The following KAZN variants were observed in gnomAD, a reference collection of about 807,000 sequenced individuals.
KAZN encodes kazrin.
A neutral mutation model predicts 87.4 loss-of-function variants in KAZN; 40 were observed. That is an observed-to-expected ratio of 0.46 (90% CI 0.36 to 0.60). The LOEUF is 0.60. Ranked by LOEUF, KAZN falls within the 20% of genes least tolerant of loss-of-function variation. The pLI, the probability that KAZN is intolerant of heterozygous loss-of-function variation, is 0.00. For synonymous variants in KAZN, 466 were observed against 458.3 expected (o/e 1.02, Z -0.22); for missense variants, 898 against 1,073.9 (o/e 0.84, Z 2.29).
chr1:14,820,263 C>A lies in KAZN; in HGVS notation c.227-140421C>A, dbSNP rs534453219. 6.6e-6 allele frequency among the ~76,000 whole-genome samples: 1 copy of A among 152,294 alleles called. No homozygotes were observed. Among genetic ancestry groups the A allele is most frequent in the African/African-American group, 2.4e-5 (1 of 41,546 alleles). On this transcript the variant is annotated intron_variant, in intron 1 of 14. Coordinates refer to ENST00000376030, the MANE Select transcript of KAZN (RefSeq NM_201628.3). The surrounding 1 kb of genome is among the most constrained non-coding windows in gnomAD (Gnocchi z 4.1). ...TTAGAGCAATGCTGGATCATCTATT[C>A]AGCCTACTCTCCCTAACTGTTTCCC...
In KAZN at chr1:14,075,961, G is replaced by A. The variant is rs188625703; in HGVS notation, c.92-104474G>A. 2.0e-5 allele frequency among the ~76,000 whole-genome samples: 3 copies of A among 152,294 alleles called. No homozygotes were observed. The East Asian group carries it at 5.8e-4, about 29-fold the overall frequency. Reference sequence around the variant, plus strand: ...TCTTGCAGATGTAAACAGTTAAGATGAGGTCATTAGGGTGGGATTTATACG... The same window carrying A: ...TCTTGCAGATGTAAACAGTTAAGATAAGGTCATTAGGGTGGGATTTATACG... On this transcript the variant is annotated intron_variant, in intron 1 of 16. Transcript: ENST00000636203.
chr1:15,103,720 C>G (rs1641182277), intron 12 of KAZN, among the ~76,000 whole-genome samples: 1 of 152,178 alleles, frequency 6.6e-6, no homozygotes, highest in South Asian at 2.1e-4. Flanking sequence ...TGTCATGATG[C>G]TTTGCTCACA....
At chr1:14,225,496 C>T (rs1647231192) in intron 2 of KAZN, among the ~76,000 whole-genome samples, 1 of 152,140 alleles carries the variant, frequency 6.6e-6, no homozygotes, top group Non-Finnish European at 1.5e-5. Context: ...TTTCAAACTA[C>T]CAATGACATT....
intron 1 of KAZN, among the ~76,000 whole-genome samples, chr1:14,869,367 C>A (rs2101051948): frequency 6.6e-6 from 1 of 152,316 alleles, no homozygotes; most frequent in East Asian, 1.9e-4. Flanking sequence ...GGAGCCTCAA[C>A]GCAGGGGCTG....
intron 2 of KAZN, among the ~76,000 whole-genome samples, chr1:14,985,677 C>T (rs558841543): frequency 5.9e-5 from 9 of 152,300 alleles, no homozygotes; most frequent in Admixed American, 4.6e-4. Context: ...GGGCAGCTGA[C>T]CTGGACTCTT....
chr1:14,698,799 T>C (rs763316691), intron 1 of KAZN, among the ~76,000 whole-genome samples: 7 of 152,202 alleles, frequency 4.6e-5, no homozygotes, highest in Non-Finnish European at 8.8e-5. Flanking sequence ...TGAATTAAAA[T>C]GCAAAGAATG....
In KAZN at chr1:15,103,502, A is replaced by ACAAACCCCATG. The variant is rs1309815605; in HGVS notation, c.1881+47_1881+57dup. Reference sequence around the variant, plus strand: ...AGGTCGGGGTGACTCTCGGGCATACACAAACCCCATGCAAATCTATATGCA... The same window carrying ACAAACCCCATG: ...AGGTCGGGGTGACTCTCGGGCATACACAAACCCCATGCAAACCCCATGCAAATCTATATGCA... On this transcript the variant is annotated intron_variant, in intron 12 of 14. Coordinates refer to ENST00000376030, the MANE Select transcript of KAZN (RefSeq NM_201628.3). 7 of 1,284,020 alleles carry ACAAACCCCATG rather than the reference A, an allele frequency of 5.5e-6. No homozygotes were observed. In the African/African-American group the frequency reaches 1.1e-4, roughly 21 times the overall value. 79.5% of individuals were successfully genotyped at this position (1,284,020 alleles called of 1,614,324 possible). A position where few individuals can be genotyped will look rare whatever the true frequency, so the allele number is the denominator to read the frequency against.
At chr1:14,718,631 C>T (rs2100267437) in intron 1 of KAZN, among the ~76,000 whole-genome samples, 1 of 152,294 alleles carries the variant, frequency 6.6e-6, no homozygotes, top group Admixed American at 6.5e-5. Context: ...TTTGTCTCTC[C>T]TGCCACTTGG....
At chr1:14,032,296 G>A (rs752420641) in intron 1 of KAZN, among the ~76,000 whole-genome samples, 41 of 152,194 alleles carry the variant, frequency 2.7e-4, no homozygotes, top group Non-Finnish European at 5.4e-4. Flanking sequence ...ACACTGTGAG[G>A]TCGGTAGCAT....
chr1:14,468,253 C>A (rs182371509), intron 2 of KAZN, among the ~76,000 whole-genome samples: 1 of 152,248 alleles, frequency 6.6e-6, no homozygotes, highest in East Asian at 1.9e-4. Flanking sequence ...CTTTAAAAAT[C>A]TTTTTAGCTC....
At chr1:14,520,713 T>C (rs1571853184) in intron 2 of KAZN, among the ~76,000 whole-genome samples, 1 of 152,224 alleles carries the variant, frequency 6.6e-6, no homozygotes, top group African/African-American at 2.4e-5. Context: ...GGGCAGAGAC[T>C]GAAACTGAAC....
intron 1 of KAZN, among the ~76,000 whole-genome samples, chr1:14,023,778 T>A (rs1640951473): frequency 6.6e-6 from 1 of 151,648 alleles, no homozygotes; most frequent in South Asian, 2.1e-4. Context: ...AGTGGGTGAG[T>A]GAGGATGAGT....
intron 1 of KAZN, among the ~76,000 whole-genome samples, chr1:14,123,677 C>A (rs1239162062): frequency 6.6e-6 from 1 of 152,208 alleles, no homozygotes; most frequent in African/African-American, 2.4e-5. Context: ...GCAAATGGGA[C>A]TGCAGCCTCC....
chr1:14,991,215 G>A (rs1016049729), intron 2 of KAZN, among the ~76,000 whole-genome samples: 1 of 152,020 alleles, frequency 6.6e-6, no homozygotes, highest in Non-Finnish European at 1.5e-5. Flanking sequence ...TTATCCGGGC[G>A]TGGTGGTGGG....
intron 2 of KAZN, among the ~76,000 whole-genome samples, chr1:14,355,753 C>A (rs1253543489): frequency 6.6e-6 from 1 of 152,192 alleles, no homozygotes; most frequent in Non-Finnish European, 1.5e-5. Context: ...CTGCAAATGA[C>A]ATGAACTCAT....
intron 1 of KAZN, among the ~76,000 whole-genome samples, chr1:13,973,545 G>GT (rs1642205645): frequency 6.6e-6 from 1 of 152,212 alleles, no homozygotes; most frequent in Non-Finnish European, 1.5e-5. Context: ...CTGGATTCAG[G>GT]TAACAACTCC....
intron 1 of KAZN, among the ~76,000 whole-genome samples, chr1:14,736,492 G>A (rs968752804): frequency 3.1e-5 from 3 of 95,270 alleles, no homozygotes; most frequent in Admixed American, 2.4e-4. Flanking sequence ...TTTTTTTTTA[G>A]TAGAGACAAG....
At chr1:14,109,412 A>T (rs1353544847) in intron 1 of KAZN, among the ~76,000 whole-genome samples, 3 of 152,070 alleles carry the variant, frequency 2.0e-5, no homozygotes, top group Non-Finnish European at 4.4e-5. Context: ...GAGGACTTTG[A>T]TGTATATCTG....
intron 1 of KAZN, among the ~76,000 whole-genome samples, chr1:14,851,545 C>T (rs75073934): frequency 0.031 from 4,739 of 152,290 alleles, 259 homozygotes; most frequent in African/African-American, 0.11. Context: ...ATCAGAGGCT[C>T]GTTTGGGGTG....
Sources: gnomAD v4.1 joint callset for allele counts (sites outside exome capture counted in the v4.1 genomes callset) on GRCh38, gnomAD v4.1.1 for gene constraint, Gnocchi (gnomAD v3.1) non-coding constraint, MANE v1.5 for transcripts, NCBI Gene and HGNC (gene_info 2026-07-23, HGNC 2026-07-21) for gene names.